Variants in ARID1B observed in about 807,000 individuals in gnomAD.
ARID1B encodes AT-rich interactive domain-containing protein 1B.
A neutral mutation model predicts 212.3 loss-of-function variants in ARID1B; 30 were observed. That is an observed-to-expected ratio of 0.14 (90% CI 0.11 to 0.19). The LOEUF (loss-of-function observed/expected upper bound fraction) is 0.19. Among genes scored for constraint, ARID1B ranks in the 10% least tolerant of loss-of-function variants. ARID1B has a pLI of 1.00. For missense variants in ARID1B, 2,891 were observed against 3,204.0 expected (o/e 0.90, Z 2.36); for synonymous variants, 1,402 against 1,301.7 (o/e 1.08, Z -1.66).
intron 1 of ARID1B, among the ~76,000 whole-genome samples, chr6:156,811,801 G>A (rs1412292616): frequency 1.3e-5 from 2 of 152,160 alleles, no homozygotes; most frequent in Admixed American, 1.3e-4. Context: ...GAATTTTGGT[G>A]GGGGACACAA....
chr6:156,897,261 C>CTTATTATTATTA lies in ARID1B; in HGVS notation c.1987-4113_1987-4112insATTATTATTATT, dbSNP rs1299353702. On this transcript the variant is annotated intron_variant, in intron 2 of 19. Coordinates refer to ENST00000636930, the MANE Select transcript of ARID1B (RefSeq NM_001374828.1). ...TCTTCTTCTTCTTCTTCTTCTTCTT[C>CTTATTATTATTA]TTCTTATTATTATTATTATTATTAT... Among the ~76,000 whole-genome samples, 799 of 92,454 alleles carry CTTATTATTATTA rather than the reference C, an allele frequency of 8.6e-3. 4 individuals are homozygous for CTTATTATTATTA. The highest frequency in any genetic ancestry group is 0.021 in the Admixed American group (184 of 8,654). 60.7% of individuals were successfully genotyped at this position (92,454 alleles called of 152,430 possible). A position where few individuals can be genotyped will look rare whatever the true frequency, so the allele number is the denominator to read the frequency against.
intron 4 of ARID1B, among the ~76,000 whole-genome samples, chr6:156,966,386 C>CTTTTCTT (rs1794748843): frequency 5.1e-5 from 2 of 38,918 alleles, no homozygotes; most frequent in African/African-American, 1.6e-4. Flanking sequence ...CTTTTCTTTT[C>CTTTTCTT]TTTTTTTTTT....
chr6:156,898,694 G>A (rs1788684502), intron 2 of ARID1B, among the ~76,000 whole-genome samples: 1 of 152,196 alleles, frequency 6.6e-6, no homozygotes, highest in Non-Finnish European at 1.5e-5. Context: ...ATTTTAAGCA[G>A]GGTGCGGTGA....
At chr6:157,058,266 C>CTTT (rs767176770) in intron 4 of ARID1B, among the ~76,000 whole-genome samples, 1 of 137,416 alleles carries the variant, frequency 7.3e-6, no homozygotes, top group African/African-American at 2.8e-5. Flanking sequence ...TTATCTTGGT[C>CTTT]TTTTTTTTTT....
In ARID1B at chr6:157,207,317, C is replaced by T. The variant is rs1451078445; in HGVS notation, c.6545C>T (p.Pro2182Leu). Residue 2182 changes from proline (P) to leucine (L), a missense_variant, in exon 20 of 20, where the codon CCG becomes CTG. Around this residue, in one of 7 missense-constraint regions of ARID1B, gnomAD observed 187 missense variants for 306.5 expected, o/e 0.61. Transcript: ENST00000636930. This position sits in a 1 kb window ranked among gnomAD's most constrained non-coding sequence, Gnocchi z 8.5. Reference protein sequence around the residue: ...LDGLLHWMVCPSAEAQDPFPT... With the variant: ...LDGLLHWMVCLSAEAQDPFPT... ...GGCTTGCTGCACTGGATGGTGTGCC[C>T]GTCTGCAGAGGCACAAGATCCCTTT... 14 of 1,613,826 alleles carry T rather than the reference C, an allele frequency of 8.7e-6. 1 individual carries two copies. Among genetic ancestry groups the T allele is most frequent in the Middle Eastern group, 3.3e-4 (2 of 6,082 alleles).
chr6:157,164,388 C>G (rs931898247), intron 8 of ARID1B, among the ~76,000 whole-genome samples: 3 of 152,106 alleles, frequency 2.0e-5, no homozygotes, highest in Admixed American at 1.3e-4. Context: ...GGGAGAAATC[C>G]TAGATGAGGG....
chr6:157,184,874 G>C (rs1252658039), intron 13 of ARID1B: 2 of 187,226 alleles, frequency 1.1e-5, no homozygotes, highest in Non-Finnish European at 2.2e-5. Context: ...GAAATCCTCA[G>C]ATTTGAACTT....
At chr6:156,797,072 C>A (rs1281861831) in intron 1 of ARID1B, among the ~76,000 whole-genome samples, 2 of 152,194 alleles carry the variant, frequency 1.3e-5, no homozygotes, top group Non-Finnish European at 2.9e-5. Context: ...AGATACCATG[C>A]CCCTTTGTGT....
intron 2 of ARID1B, among the ~76,000 whole-genome samples, chr6:156,862,136 A>G (rs2128129486): frequency 6.6e-6 from 1 of 152,356 alleles, no homozygotes; most frequent in East Asian, 1.9e-4. Flanking sequence ...ACAGCTGGAA[A>G]TATGGGTCAG....
chr6:157,177,767 A>G (rs992138908), intron 11 of ARID1B, among the ~76,000 whole-genome samples: 1 of 152,190 alleles, frequency 6.6e-6, no homozygotes, highest in Non-Finnish European at 1.5e-5. Flanking sequence ...TCTTGCCTCC[A>G]CAAAGTTTCA....
intron 1 of ARID1B, among the ~76,000 whole-genome samples, chr6:156,819,565 T>C (rs1782210103): frequency 1.3e-5 from 2 of 152,226 alleles, no homozygotes; most frequent in South Asian, 2.1e-4. Context: ...TTTGCCAATT[T>C]ATAAAAATCA....
chr6:156,939,461 C>G (rs1490769675), intron 4 of ARID1B: 1 of 152,044 alleles, frequency 6.6e-6, no homozygotes, highest in Non-Finnish European at 1.5e-5. Flanking sequence ...TCTTCGCTCC[C>G]CTATTTCACT....
rs1252223844 is a variant in ARID1B, at chr6:156,860,222, GCA to G, written c.1986+30804_1986+30805del. ...GATTTTACTTTTTGAAGTCAGTATA[GCA>G]CAGAGTTGATGATATAATAGTGCTT... On this transcript the variant is annotated intron_variant, in intron 2 of 19. Coordinates refer to ENST00000636930, the MANE Select transcript of ARID1B (RefSeq NM_001374828.1). 3.3e-5 allele frequency among the ~76,000 whole-genome samples: 5 copies of G among 152,102 alleles called. No homozygotes were observed. The East Asian group carries it at 5.8e-4, about 18-fold the overall frequency.
intron 3 of ARID1B, among the ~76,000 whole-genome samples, chr6:156,909,105 T>G (rs1407491557): frequency 6.7e-6 from 1 of 149,972 alleles, no homozygotes; most frequent in Non-Finnish European, 1.5e-5. Flanking sequence ...CACTTCTTTT[T>G]TTTTCTTTTT....
intron 5 of ARID1B, among the ~76,000 whole-genome samples, chr6:157,093,533 G>A (rs183083998): frequency 1.8e-4 from 28 of 152,266 alleles, no homozygotes; most frequent in Admixed American, 1.8e-3. Context: ...TGAGACAAAC[G>A]GAATGCCTTC....
chr6:156,836,902 C>T (rs573669846), intron 2 of ARID1B, among the ~76,000 whole-genome samples: 171 of 150,954 alleles, frequency 1.1e-3, no homozygotes, highest in African/African-American at 4.0e-3. Flanking sequence ...AGGACTCAAG[C>T]GATCCACTTG....
At chr6:156,837,923 G>C (rs1316457583) in intron 2 of ARID1B, among the ~76,000 whole-genome samples, 2 of 152,190 alleles carry the variant, frequency 1.3e-5, no homozygotes, top group Non-Finnish European at 2.9e-5. Context: ...AATGTGGGTA[G>C]TGTGCGTGTA....
chr6:157,207,756 G>T lies in ARID1B; in HGVS notation c.6984G>T (p.Met2328Ile). ...MCRAAKALLA[M>I]ARVDENRSEF... ...GGGCGGCCAAGGCTTTGCTAGCCAT[G>T]GCCAGAGTGGACGAAAACCGCTCGG... The change falls in exon 20 of 20, where the codon ATG (methionine) becomes ATT (isoleucine). Residue 2328 changes from methionine to isoleucine, a missense_variant. This residue lies in a region of ARID1B where 187 missense variants were observed against 306.5 expected (regional missense o/e 0.61). Transcript: ENST00000636930. The surrounding 1 kb of genome is among the most constrained non-coding windows in gnomAD (Gnocchi z 8.5). 6.3e-7 allele frequency: 1 copy of T among 1,579,894 alleles called. No homozygotes were observed. Among genetic ancestry groups the T allele is most frequent in the Non-Finnish European group, 8.6e-7 (1 of 1,158,544 alleles).
rs1360775924 is a variant in ARID1B at position 157,209,485 on chromosome 6, C to T, written c.*1594C>T. The T allele has an allele frequency of 1.7e-5, 4 of 232,680 alleles. No individual in the cohort carries two copies. The highest frequency in any genetic ancestry group is 1.1e-4 in the Admixed American group (2 of 17,770). The allele number at this position is 232,680 out of a possible 1,614,324, so 14.4% of individuals were successfully genotyped here. Reference sequence around the variant, plus strand: ...CTTTCTTTGAAGCAATTAACTCTAACGACATTGAGGTATGATCATTTTCAG... The same window carrying T: ...CTTTCTTTGAAGCAATTAACTCTAATGACATTGAGGTATGATCATTTTCAG... On this transcript the variant is annotated 3_prime_UTR_variant, in exon 20 of 20. Transcript: ENST00000636930.
Sources: gnomAD v4.1 joint callset for allele counts (sites outside exome capture counted in the v4.1 genomes callset) on GRCh38, gnomAD v4.1.1 for gene constraint, gnomAD v4.1.1 regional missense constraint, Gnocchi (gnomAD v3.1) non-coding constraint, MANE v1.5 for transcripts, NCBI Gene and HGNC (gene_info 2026-07-23, HGNC 2026-07-21) for gene names.